BICDL1: variants seen among roughly 807,000 people sequenced by gnomAD.
The protein encoded by BICDL1 is BICD family like cargo adaptor 1, also known as BICD family-like cargo adapter 1.
Under a neutral mutation model 76.8 loss-of-function variants are expected in BICDL1, and 20 were observed. That is an observed-to-expected ratio of 0.26 (90% CI 0.18 to 0.38). The LOEUF (loss-of-function observed/expected upper bound fraction) is 0.38, where lower values mean the gene tolerates loss of function less well. Ranked by LOEUF, BICDL1 falls within the 10% of genes least tolerant of loss-of-function variation. The pLI is 1.00. For missense variants in BICDL1, 700 were observed against 798.6 expected, an observed-to-expected ratio of 0.88 and a Z score of 1.49; for synonymous variants, 383 against 337.1, an observed-to-expected ratio of 1.14 and a Z score of -1.49.
At chr12:120,017,608 T>C (rs1490671527) in intron 2 of BICDL1, among the ~76,000 whole-genome samples, 1 of 152,138 alleles carries the variant, frequency 6.6e-6, no homozygotes, top group Non-Finnish European at 1.5e-5. Flanking sequence ...GGCACAGGTC[T>C]ATAGTTGTAG....
intron 4 of BICDL1, among the ~76,000 whole-genome samples, chr12:120,067,458 T>G (rs549249197): frequency 2.2e-4 from 33 of 152,370 alleles, no homozygotes; most frequent in African/African-American, 7.5e-4. Context: ...TCATTCTTAT[T>G]CATACATATA....
intron 2 of BICDL1, among the ~76,000 whole-genome samples, chr12:120,007,820 C>G (rs1421758515): frequency 6.6e-6 from 1 of 152,210 alleles, no homozygotes; most frequent in African/African-American, 2.4e-5. Flanking sequence ...AGTGTCACCA[C>G]CACTCTGCCT....
chr12:120,040,416 T>C (rs1308569336), intron 2 of BICDL1, among the ~76,000 whole-genome samples: 1 of 151,834 alleles, frequency 6.6e-6, no homozygotes, highest in East Asian at 1.9e-4. Flanking sequence ...TTTCTTTTCT[T>C]TTCTTTTTGT....
At chr12:120,015,439 A>C (rs888789048) in intron 2 of BICDL1, among the ~76,000 whole-genome samples, 2 of 152,068 alleles carry the variant, frequency 1.3e-5, no homozygotes, top group African/African-American at 2.4e-5. Flanking sequence ...CTCAGTTGCC[A>C]CTTCCTTCAT....
intron 6 of BICDL1, among the ~76,000 whole-genome samples, chr12:120,073,954 CTG>C (rs1873317437): frequency 6.6e-6 from 1 of 152,182 alleles, no homozygotes; most frequent in Non-Finnish European, 1.5e-5. Context: ...GAGTCTCGCT[CTG>C]TTGCCCAGGC....
At chr12:119,991,638 A>C (rs569840676) in intron 1 of BICDL1, among the ~76,000 whole-genome samples, 1 of 152,320 alleles carries the variant, frequency 6.6e-6, no homozygotes, top group East Asian at 1.9e-4. Flanking sequence ...AAAGAGATTC[A>C]GTTGTACGAC....
At chr12:120,010,811 C>T (rs1002608076) in intron 2 of BICDL1, among the ~76,000 whole-genome samples, 6 of 152,096 alleles carry the variant, frequency 3.9e-5, no homozygotes, top group Admixed American at 6.5e-5. Flanking sequence ...AGCAGAGCCC[C>T]GGGGAAGTTA....
intron 1 of BICDL1, among the ~76,000 whole-genome samples, chr12:119,997,417 C>T (rs894078468): frequency 6.6e-6 from 1 of 152,150 alleles, no homozygotes; most frequent in Non-Finnish European, 1.5e-5. Context: ...CTGTTTTGCT[C>T]ATTAGAACGT....
intron 9 of BICDL1, chr12:120,091,146 A>T: frequency 1.6e-6 from 2 of 1,219,496 alleles, no homozygotes; most frequent in Non-Finnish European, 1.0e-6. Context: ...GCAGTGTGAC[A>T]TGCCCTCAAG....
rs917503731 is a variant in BICDL1, at chr12:120,008,358, C to T, written c.645+9622C>T. 5.3e-5 allele frequency among the ~76,000 whole-genome samples: 8 copies of T among 152,120 alleles called. No homozygotes were observed. The East Asian group carries it at 7.7e-4, about 15-fold the overall frequency. On this transcript the variant is annotated intron_variant, in intron 2 of 9. Coordinates refer to ENST00000548673, the MANE Select transcript of BICDL1 (RefSeq NM_001367886.1). Reference sequence around the variant, plus strand: ...TACTTTTTATAGAGATGAGTTTCACCGTGCTGCCCGGGCTGGTCTTGAACT... The same window carrying T: ...TACTTTTTATAGAGATGAGTTTCACTGTGCTGCCCGGGCTGGTCTTGAACT...
chr12:120,025,348 C>CACATTTATTTATTTAGAGTTT (rs1952276683), intron 2 of BICDL1, among the ~76,000 whole-genome samples: 1 of 152,164 alleles, frequency 6.6e-6, no homozygotes, highest in Non-Finnish European at 1.5e-5. Flanking sequence ...CCGCGCCCGG[C>CACATTTATTTATTTAGAGTTT]CGATATTATA....
intron 8 of BICDL1, among the ~76,000 whole-genome samples, chr12:120,088,415 G>A (rs1354123697): frequency 6.6e-6 from 1 of 152,042 alleles, no homozygotes; most frequent in African/African-American, 2.4e-5. Flanking sequence ...GGAGTGCAGT[G>A]GCACAATCTG....
At chr12:120,013,187 G>C (rs1951988577) in intron 2 of BICDL1, among the ~76,000 whole-genome samples, 1 of 151,824 alleles carries the variant, frequency 6.6e-6, no homozygotes. Flanking sequence ...GGTGGCATAT[G>C]CCTGTAGTCC....
In BICDL1 at chr12:120,057,175, A is replaced by G. The variant is rs536941809; in HGVS notation, c.646-4535A>G. ...TTACAGAGAAATTACATGGACAAGT[A>G]CTACTAGGACTTGTAAGTTTGTAGA... On this transcript the variant is annotated intron_variant, in intron 2 of 9. Transcript: ENST00000548673. 572 of 503,780 alleles carry G rather than the reference A, an allele frequency of 1.1e-3. 2 individuals are homozygous for G. Among genetic ancestry groups the G allele is most frequent in the Non-Finnish European group, 1.7e-3 (438 of 252,762 alleles). 31.2% of individuals were successfully genotyped at this position (503,780 alleles called of 1,614,324 possible). A position where few individuals can be genotyped will look rare whatever the true frequency, so the allele number is the denominator to read the frequency against.
rs1874419568 is a variant in BICDL1, at chr12:120,086,411, GGCCGCACATTACAATCATCT to G, written c.1584-3538_1584-3519del. Reference sequence around the variant, plus strand: ...TACGTTATCTCTGATTCTCCATCCTGGCCGCACATTACAATCATCTGGGGAGCGCTCAGACACCAGGAACC... The same window carrying G: ...TACGTTATCTCTGATTCTCCATCCTGGGGGAGCGCTCAGACACCAGGAACC... On this transcript the variant is annotated intron_variant, in intron 8 of 9. Coordinates refer to ENST00000548673, the MANE Select transcript of BICDL1 (RefSeq NM_001367886.1). 3.9e-5 allele frequency among the ~76,000 whole-genome samples: 6 copies of G among 152,280 alleles called. No homozygotes were observed. The South Asian group carries it at 1.2e-3, about 32-fold the overall frequency.
chr12:120,005,097 T>C (rs1274302291), intron 2 of BICDL1, among the ~76,000 whole-genome samples: 1 of 152,332 alleles, frequency 6.6e-6, no homozygotes, highest in East Asian at 1.9e-4. Flanking sequence ...GTGCTGGGAT[T>C]ACAGGCATGA....
chr12:119,989,590 C>T lies in BICDL1; in HGVS notation c.-279C>T, dbSNP rs547424498. On this transcript the variant is annotated 5_prime_UTR_variant, in exon 1 of 10. Coordinates refer to ENST00000548673, the MANE Select transcript of BICDL1 (RefSeq NM_001367886.1). ...GTTCCTGAGTCCTCCCTTCCCCAGC[C>T]TTCCCGTTCCCACCACCTACTCCGC... 1.5e-4 allele frequency among the ~76,000 whole-genome samples: 22 copies of T among 150,528 alleles called. No homozygotes were observed. In the East Asian group the frequency reaches 2.8e-3, roughly 19 times the overall value.
intron 8 of BICDL1, among the ~76,000 whole-genome samples, chr12:120,084,815 G>T (rs151148353): frequency 6.6e-6 from 1 of 151,416 alleles, no homozygotes; most frequent in Non-Finnish European, 1.5e-5. Flanking sequence ...ACTTGAACCC[G>T]GGAGGCAGAA....
chr12:120,080,028 C>T (rs910545133), intron 7 of BICDL1, among the ~76,000 whole-genome samples: 16 of 152,212 alleles, frequency 1.1e-4, no homozygotes, highest in Admixed American at 7.9e-4. Context: ...GAAGAGATTT[C>T]GGATGATGAC....
Sources: gnomAD v4.1 joint callset for allele counts (sites outside exome capture counted in the v4.1 genomes callset) on GRCh38, gnomAD v4.1.1 for gene constraint, MANE v1.5 for transcripts, NCBI Gene and HGNC (gene_info 2026-07-23, HGNC 2026-07-21) for gene names.